The following DIS3L2 variants were observed in gnomAD, a reference collection of about 807,000 sequenced individuals.
DIS3L2 encodes the protein DIS3 like 3'-5' exoribonuclease 2, also known as DIS3-like exonuclease 2.
A neutral mutation model predicts 97.5 loss-of-function variants in DIS3L2; 34 were observed. The ratio of observed to expected loss-of-function variants is 0.35; its 90% CI spans 0.27 to 0.46. The LOEUF is 0.46. Among genes scored for constraint, DIS3L2 ranks in the 20% least tolerant of loss-of-function variants. DIS3L2 has a pLI of 1.00. For missense variants in DIS3L2, 1,038 were observed against 1,146.0 expected, an observed-to-expected ratio of 0.91 and a Z score of 1.36; for synonymous variants, 435 against 445.2, an observed-to-expected ratio of 0.98 and a Z score of 0.29.
At chr2:232,107,752 AT>A (rs1418722075) in intron 6 of DIS3L2, among the ~76,000 whole-genome samples, 9 of 152,200 alleles carry the variant, frequency 5.9e-5, no homozygotes, top group Non-Finnish European at 1.3e-4. Flanking sequence ...ACAAATAACC[AT>A]CAGAGAATAC....
At position 232,279,535 on chromosome 2, in the gene DIS3L2, TTTGTTTG is replaced by T. The variant is rs750221805; in HGVS notation, c.1659+16098_1659+16104del. ...GTTTGTTTGTTTGTTTGTTTGTTTG[TTTGTTTG>T]TTTTTTGAGATAGTCTTGCACTATC... On this transcript the variant is annotated intron_variant, in intron 13 of 20. Transcript: ENST00000325385. 3.3e-5 allele frequency among the ~76,000 whole-genome samples: 5 copies of T among 151,908 alleles called. No homozygotes were observed. The East Asian group carries it at 7.8e-4, about 24-fold the overall frequency.
chr2:232,148,708 C>T (rs1015868514), intron 8 of DIS3L2, among the ~76,000 whole-genome samples: 7 of 143,432 alleles, frequency 4.9e-5, no homozygotes, highest in Non-Finnish European at 9.1e-5. Context: ...TACAAAGCTC[C>T]AAAAAAGATG....
At chr2:232,090,281 C>A (rs543004051) in intron 6 of DIS3L2, among the ~76,000 whole-genome samples, 1 of 152,154 alleles carries the variant, frequency 6.6e-6, no homozygotes, top group African/African-American at 2.4e-5. Flanking sequence ...GTTACAAGCC[C>A]GCTGTATGCA....
intron 6 of DIS3L2, among the ~76,000 whole-genome samples, chr2:232,106,268 T>C (rs1697355395): frequency 6.6e-6 from 1 of 152,208 alleles, no homozygotes; most frequent in Non-Finnish European, 1.5e-5. Context: ...TGACATGTGA[T>C]ACTCTACCCC....
chr2:231,999,424 A>G (rs1693818454), intron 1 of DIS3L2, among the ~76,000 whole-genome samples: 1 of 152,280 alleles, frequency 6.6e-6, no homozygotes, highest in African/African-American at 2.4e-5. Flanking sequence ...TGCTATATAC[A>G]TTTGTGTGCG....
chr2:232,208,927 C>A (rs760372070), intron 9 of DIS3L2, among the ~76,000 whole-genome samples: 1 of 151,768 alleles, frequency 6.6e-6, no homozygotes, highest in Non-Finnish European at 1.5e-5. Flanking sequence ...GCTTGGGAGT[C>A]TGAGGTGGGA....
chr2:232,082,618 G>A (rs1034381110), intron 5 of DIS3L2, among the ~76,000 whole-genome samples: 2 of 152,158 alleles, frequency 1.3e-5, no homozygotes, highest in Admixed American at 6.5e-5. Flanking sequence ...CACAAAACCA[G>A]TCCCTGGCAC....
intron 7 of DIS3L2, among the ~76,000 whole-genome samples, chr2:232,135,641 G>C (rs541682816): frequency 6.6e-6 from 1 of 152,268 alleles, no homozygotes; most frequent in African/African-American, 2.4e-5. Context: ...TAGTAGCTGG[G>C]AGTGACTGGG....
At chr2:231,997,831 A>C (rs1287857457) in intron 1 of DIS3L2, among the ~76,000 whole-genome samples, 1 of 152,178 alleles carries the variant, frequency 6.6e-6, no homozygotes, top group Non-Finnish European at 1.5e-5. Context: ...AGACACTCAA[A>C]GCCATCCTCT....
At chr2:232,092,241 G>A (rs926291939) in intron 6 of DIS3L2, among the ~76,000 whole-genome samples, 2 of 152,008 alleles carry the variant, frequency 1.3e-5, no homozygotes, top group Non-Finnish European at 2.9e-5. Flanking sequence ...ATGTATTCTG[G>A]GTTCTCTACT....
chr2:232,043,354 C>T (rs143570227), intron 5 of DIS3L2, among the ~76,000 whole-genome samples: 98 of 152,248 alleles, frequency 6.4e-4, no homozygotes, highest in East Asian at 3.9e-3. Flanking sequence ...TTGGCAAGAA[C>T]GAGTCACCTG....
intron 9 of DIS3L2, among the ~76,000 whole-genome samples, chr2:232,193,974 G>T (rs1007287339): frequency 7.9e-5 from 12 of 152,278 alleles, no homozygotes; most frequent in African/African-American, 2.6e-4. Flanking sequence ...GCTGGGCGTG[G>T]TGGTGCTCGC....
At chr2:232,008,586 A>T (rs1694113506) in intron 1 of DIS3L2, among the ~76,000 whole-genome samples, 1 of 152,094 alleles carries the variant, frequency 6.6e-6, no homozygotes, top group Admixed American at 6.5e-5. Context: ...CACCCAAGAG[A>T]CTTCTGGGGA....
intron 5 of DIS3L2, among the ~76,000 whole-genome samples, chr2:232,056,319 C>T (rs1224511445): frequency 1.3e-5 from 2 of 152,038 alleles, no homozygotes; most frequent in Non-Finnish European, 2.9e-5. Flanking sequence ...GAGCTGAGAT[C>T]ATGCCACTGC....
chr2:232,147,415 C>T (rs1358498839), intron 8 of DIS3L2, among the ~76,000 whole-genome samples: 1 of 152,154 alleles, frequency 6.6e-6, no homozygotes, highest in East Asian at 1.9e-4. Flanking sequence ...AATGGAGGTC[C>T]GTACTTTCTT....
Position 232,005,191 on chromosome 2 carries a change from T to TTTTTTTA in DIS3L2, c.-93-9644_-93-9643insTTTTTTA, listed in dbSNP as rs1553600475. On this transcript the variant is annotated intron_variant, in intron 1 of 20. Transcript: ENST00000325385. Reference sequence around the variant, plus strand: ...CTTGATTTTTTTTTTTTTTTTTTTTTATTTCACTAGCACTTAGCTTCAGAC... The same window carrying TTTTTTTA: ...CTTGATTTTTTTTTTTTTTTTTTTTTTTTTTTAATTTCACTAGCACTTAGCTTCAGAC... Among the ~76,000 whole-genome samples, 4 of 143,654 alleles carry TTTTTTTA rather than the reference T, an allele frequency of 2.8e-5. 1 individual carries two copies. The highest frequency in any genetic ancestry group is 8.1e-5 in the African/African-American group (3 of 37,186). 94.2% of individuals were successfully genotyped at this position (143,654 alleles called of 152,430 possible).
chr2:232,294,888 G>A (rs566313572), intron 13 of DIS3L2, among the ~76,000 whole-genome samples: 50 of 152,230 alleles, frequency 3.3e-4, no homozygotes, highest in Non-Finnish European at 6.0e-4. Flanking sequence ...ATAAATATTA[G>A]CTCCATTCCA....
At chr2:232,271,800 G>A (rs773875810) in intron 13 of DIS3L2, among the ~76,000 whole-genome samples, 3 of 152,130 alleles carry the variant, frequency 2.0e-5, no homozygotes, top group Non-Finnish European at 4.4e-5. Context: ...GAACCTGGGA[G>A]CGTGAATTTC....
At chr2:232,170,554 A>C (rs1442675061) in intron 9 of DIS3L2, among the ~76,000 whole-genome samples, 2 of 152,190 alleles carry the variant, frequency 1.3e-5, no homozygotes, top group Non-Finnish European at 1.5e-5. Context: ...GACCATTACA[A>C]ATGTGAAACT....
Sources: allele counts gnomAD v4.1 joint callset (sites outside exome capture counted in the v4.1 genomes callset), GRCh38; gene constraint gnomAD v4.1.1; transcripts MANE v1.5; gene names NCBI Gene and HGNC (gene_info 2026-07-23, HGNC 2026-07-21).